FHIP1A: variants seen among roughly 807,000 people sequenced by gnomAD.
The protein encoded by FHIP1A is FHF complex subunit HOOK-interacting protein 1A.
Under a neutral mutation model 88.6 loss-of-function variants are expected in FHIP1A, and 61 were observed. The ratio of observed to expected loss-of-function variants is 0.69; its 90% CI spans 0.56 to 0.85. The LOEUF (loss-of-function observed/expected upper bound fraction) is 0.85, where lower values mean the gene tolerates loss of function less well. Ranked by LOEUF, FHIP1A falls within the 40% of genes least tolerant of loss-of-function variation. FHIP1A has a pLI of 0.00. For synonymous variants in FHIP1A, 478 were observed against 496.0 expected (o/e 0.96, Z 0.48); for missense variants, 1,154 against 1,273.5 (o/e 0.91, Z 1.43).
chr4:151,567,993 G>A (rs1733454308), intron 4 of FHIP1A, among the ~76,000 whole-genome samples: 1 of 152,080 alleles, frequency 6.6e-6, no homozygotes, highest in Admixed American at 6.5e-5. Flanking sequence ...GATCCATTTA[G>A]TATTCTGTGC....
At chr4:151,659,662 C>G (rs1284027155) in intron 13 of FHIP1A, among the ~76,000 whole-genome samples, 1 of 152,206 alleles carries the variant, frequency 6.6e-6, no homozygotes, top group East Asian at 1.9e-4. Flanking sequence ...TCCGTCCTGC[C>G]TTTTTCTTCA....
At chr4:151,552,391 G>T (rs1158271624) in intron 3 of FHIP1A, among the ~76,000 whole-genome samples, 1 of 152,078 alleles carries the variant, frequency 6.6e-6, no homozygotes, top group Non-Finnish European at 1.5e-5. Context: ...GTTTATTGTG[G>T]CACTATTCAC....
chr4:151,606,095 T>A (rs1470299096), intron 7 of FHIP1A, among the ~76,000 whole-genome samples: 1 of 152,080 alleles, frequency 6.6e-6, no homozygotes, highest in Non-Finnish European at 1.5e-5. Flanking sequence ...TAGTGAGGAG[T>A]GGGCAGGACA....
At chr4:151,646,530 C>G (rs1736798331) in intron 9 of FHIP1A, 28 bp from the exon 10 acceptor site, 1 of 1,518,558 alleles carries the variant, frequency 6.6e-7, no homozygotes, top group Non-Finnish European at 8.9e-7. Flanking sequence ...TTGCAGAGAC[C>G]AAACGCTTGT....
intron 3 of FHIP1A, among the ~76,000 whole-genome samples, chr4:151,528,008 G>A (rs997969022): frequency 4.6e-5 from 7 of 152,162 alleles, no homozygotes; most frequent in African/African-American, 9.7e-5. Flanking sequence ...AAGCCCAAGC[G>A]TTATCTCAGG....
chr4:151,454,064 TC>T (rs2126586744), intron 1 of FHIP1A, among the ~76,000 whole-genome samples: 1 of 152,320 alleles, frequency 6.6e-6, no homozygotes, highest in Admixed American at 6.5e-5. Context: ...CATAATTTTT[TC>T]CCATAGGAAT....
At chr4:151,434,950 A>G (rs1733743617) in intron 1 of FHIP1A, among the ~76,000 whole-genome samples, 1 of 151,802 alleles carries the variant, frequency 6.6e-6, no homozygotes, top group Admixed American at 6.6e-5. Context: ...GAGGAATTGG[A>G]CTCCTTTATG....
Position 151,577,618 on chromosome 4 carries a change from G to A in FHIP1A, c.274G>A (p.Val92Met). ...TGCAATGGGGCCGATTCTGGAATTT[G>A]TGGTCTCTGAGAACATCATGGAGAA... The part of the protein sequence containing the change: ...DAAMGPILEF[V>M]VSENIMEKLF... The change falls in exon 5 of 14, where the codon GTG becomes ATG. Residue 92 changes from valine to methionine, a missense_variant. Coordinates refer to ENST00000435205, the MANE Select transcript of FHIP1A (RefSeq NM_001109977.3). 6.4e-7 allele frequency: 1 copy of A among 1,551,932 alleles called. No individual in the cohort carries two copies. The highest frequency in any genetic ancestry group is 1.2e-5 in the South Asian group (1 of 84,058).
intron 3 of FHIP1A, among the ~76,000 whole-genome samples, chr4:151,492,763 A>G (rs532269215): frequency 6.0e-4 from 92 of 152,286 alleles, no homozygotes; most frequent in Non-Finnish European, 1.1e-3. Context: ...ATCAACATGG[A>G]CATTAACAAA....
chr4:151,522,647 A>G (rs961075635), intron 3 of FHIP1A, among the ~76,000 whole-genome samples: 2 of 152,256 alleles, frequency 1.3e-5, no homozygotes, highest in African/African-American at 4.8e-5. Context: ...ACCCAAAACC[A>G]TCAAACAAGC....
intron 1 of FHIP1A, among the ~76,000 whole-genome samples, chr4:151,452,792 A>C (rs913108147): frequency 8.6e-5 from 13 of 151,166 alleles, no homozygotes; most frequent in African/African-American, 3.2e-4. Context: ...AAAAAAAAAG[A>C]TACATTTATA....
chr4:151,485,541 G>A (rs1730052282), intron 3 of FHIP1A, among the ~76,000 whole-genome samples: 1 of 151,376 alleles, frequency 6.6e-6, no homozygotes, highest in African/African-American at 2.4e-5. Context: ...GAACTTGTTG[G>A]AAATGTAAAT....
chr4:151,588,738 T>A, intron 6 of FHIP1A, 102 bp from the exon 7 acceptor site: 3 of 795,170 alleles, frequency 3.8e-6, no homozygotes, highest in Non-Finnish European at 6.5e-6. Flanking sequence ...GGCCAAAATG[T>A]GGATTTCCTT....
intron 1 of FHIP1A, among the ~76,000 whole-genome samples, chr4:151,450,850 T>C (rs545821643): frequency 3.9e-5 from 6 of 152,186 alleles, no homozygotes; most frequent in African/African-American, 1.4e-4. Flanking sequence ...TAATCTCAGC[T>C]CACTGCAACT....
intron 7 of FHIP1A, among the ~76,000 whole-genome samples, chr4:151,618,727 C>T (rs896534967): frequency 4.6e-5 from 7 of 152,252 alleles, no homozygotes; most frequent in South Asian, 2.1e-4. Flanking sequence ...GCTTGTTTTC[C>T]GTTTGTAGCA....
Position 151,454,763 on chromosome 4 carries a change from A to G in FHIP1A, c.-293A>G, listed in dbSNP as rs1219615886. The G allele has an allele frequency of 1.3e-5, 2 of 152,070 alleles. No individual in the cohort carries two copies. The highest frequency in any genetic ancestry group is 1.9e-4 in the East Asian group (1 of 5,184). 9.4% of individuals were successfully genotyped at this position (152,070 alleles called of 1,614,324 possible). ...ATGAGAACTCAATGTTTGACTATGAATGTTTCGTTATAACTGCCTGGAAGG... is the reference window on the plus strand; with the variant it reads ...ATGAGAACTCAATGTTTGACTATGAGTGTTTCGTTATAACTGCCTGGAAGG... On this transcript the variant is annotated 5_prime_UTR_variant, in exon 2 of 14. It removes an upstream start codon present in the reference 5' UTR. Transcript: ENST00000435205.
At chr4:151,473,754 G>A (rs574447345) in intron 2 of FHIP1A, among the ~76,000 whole-genome samples, 1 of 152,246 alleles carries the variant, frequency 6.6e-6, no homozygotes, top group South Asian at 2.1e-4. Context: ...AATGTTTCCA[G>A]TGTCCTGGAA....
chr4:151,653,377 T>TCTCCCC (rs1491244057), intron 11 of FHIP1A, among the ~76,000 whole-genome samples: 10 of 151,546 alleles, frequency 6.6e-5, no homozygotes, highest in Admixed American at 3.3e-4. Context: ...TCTCTCTCTC[T>TCTCCCC]CCCCCTCCCT....
At chr4:151,560,208 G>A (rs1464104511) in intron 3 of FHIP1A, among the ~76,000 whole-genome samples, 5 of 152,070 alleles carry the variant, frequency 3.3e-5, no homozygotes, top group African/African-American at 9.7e-5. Flanking sequence ...TGAAAGATTG[G>A]TTTTTACGTT....
Sources: allele counts gnomAD v4.1 joint callset (sites outside exome capture counted in the v4.1 genomes callset), GRCh38; gene constraint gnomAD v4.1.1; transcripts MANE v1.5; gene names NCBI Gene and HGNC (gene_info 2026-07-23, HGNC 2026-07-21).